The following NFIA variants were observed in gnomAD, a reference collection of about 807,000 sequenced individuals.
NFIA encodes the protein nuclear factor I A, also known as nuclear factor 1 A-type.
Under a neutral mutation model 62.8 loss-of-function variants are expected in NFIA, and 8 were observed. That is an observed-to-expected ratio of 0.13 (90% CI 0.07 to 0.23). The LOEUF (loss-of-function observed/expected upper bound fraction) is 0.23. NFIA is among the 10% of genes least tolerant of loss of function. NFIA has a pLI of 1.00. For missense variants in NFIA, 410 were observed against 642.1 expected, an observed-to-expected ratio of 0.64 and a Z score of 3.91; for synonymous variants, 235 against 238.1, an observed-to-expected ratio of 0.99 and a Z score of 0.12.
intron 2 of NFIA, among the ~76,000 whole-genome samples, chr1:61,095,624 C>T (rs1646398124): frequency 6.6e-6 from 1 of 152,132 alleles, no homozygotes; most frequent in Admixed American, 6.5e-5. Context: ...AGAATGAGGC[C>T]ACACTTGATA....
intron 2 of NFIA, among the ~76,000 whole-genome samples, chr1:61,225,055 A>G (rs2100622431): frequency 6.6e-6 from 1 of 152,252 alleles, no homozygotes; most frequent in East Asian, 1.9e-4. Flanking sequence ...CAGATTCATG[A>G]CATAGGAATC....
chr1:61,201,146 G>T (rs757223235), intron 2 of NFIA, among the ~76,000 whole-genome samples: 1 of 152,042 alleles, frequency 6.6e-6, no homozygotes, highest in Non-Finnish European at 1.5e-5. Context: ...CTTTTTTGTT[G>T]TTGTTACCTT....
chr1:61,191,118 T>TA (rs1460812263), intron 2 of NFIA, among the ~76,000 whole-genome samples: 1 of 152,108 alleles, frequency 6.6e-6, no homozygotes, highest in Admixed American at 6.5e-5. Context: ...AGCTCAATGT[T>TA]ACAATGCTTA....
chr1:61,406,542 T>TGGGGGGGGGGGGGC lies in NFIA; in HGVS notation c.1255-19_1255-18insGGGGGGGGGGGGCG. On this transcript the variant is annotated intron_variant, in intron 8 of 10. Transcript: ENST00000403491. Reference sequence around the variant, plus strand: ...TTCTTTTTCTTGTACGTGTGTTTTCTGCCCCCCCCCCCCCCACAGCCCAAT... The same window carrying TGGGGGGGGGGGGGC: ...TTCTTTTTCTTGTACGTGTGTTTTCTGGGGGGGGGGGGGCGCCCCCCCCCCCCCCACAGCCCAAT... 8.0e-7 allele frequency: 1 copy of TGGGGGGGGGGGGGC among 1,253,828 alleles called. No homozygotes were observed. The highest frequency in any genetic ancestry group is 3.1e-5 in the East Asian group (1 of 32,732). 77.7% of individuals were successfully genotyped at this position (1,253,828 alleles called of 1,614,324 possible).
intron 2 of NFIA, among the ~76,000 whole-genome samples, chr1:61,114,272 A>G (rs1233610305): frequency 2.8e-5 from 4 of 142,650 alleles, no homozygotes; most frequent in Admixed American, 2.7e-4. Flanking sequence ...ACCTATGTAG[A>G]AAAAAAATGA....
At chr1:61,256,628 A>G (rs1349029933) in intron 2 of NFIA, among the ~76,000 whole-genome samples, 2 of 152,122 alleles carry the variant, frequency 1.3e-5, no homozygotes, top group Non-Finnish European at 2.9e-5. Flanking sequence ...TTCTACCTTT[A>G]TACTGCTATT....
intron 9 of NFIA, among the ~76,000 whole-genome samples, chr1:61,412,238 G>A (rs1422340556): frequency 6.6e-6 from 1 of 152,200 alleles, no homozygotes; most frequent in Non-Finnish European, 1.5e-5. Context: ...CCCTGGTGGA[G>A]ATTACATTTT....
intron 2 of NFIA, among the ~76,000 whole-genome samples, chr1:61,108,228 T>G (rs1646637594): frequency 6.6e-6 from 1 of 151,732 alleles, no homozygotes; most frequent in South Asian, 2.1e-4. Flanking sequence ...TAAAGGAAAT[T>G]GACATCTTTT....
chr1:61,217,444 T>C (rs1440374809), intron 2 of NFIA, among the ~76,000 whole-genome samples: 1 of 152,196 alleles, frequency 6.6e-6, no homozygotes, highest in East Asian at 1.9e-4. Context: ...GAGAACTATA[T>C]GTCATTATTA....
intron 7 of NFIA, 79 bp from the exon 8 acceptor site, chr1:61,404,025 A>G (rs1665695432): frequency 6.7e-7 from 1 of 1,493,296 alleles, no homozygotes; most frequent in East Asian, 2.3e-5. Flanking sequence ...AAGAGAAATA[A>G]AGGAGGAAGT....
intron 7 of NFIA, among the ~76,000 whole-genome samples, chr1:61,403,228 A>G (rs1227235103): frequency 1.3e-5 from 2 of 152,148 alleles, no homozygotes; most frequent in Non-Finnish European, 2.9e-5. Context: ...AATATCTGCA[A>G]CCTTCCCATG....
At chr1:61,280,759 A>G (rs1033411661) in intron 3 of NFIA, among the ~76,000 whole-genome samples, 5 of 152,218 alleles carry the variant, frequency 3.3e-5, no homozygotes, top group African/African-American at 1.2e-4. Context: ...AGAGCATTAG[A>G]TGGGAATTTT....
chr1:61,177,659 G>A (rs1160981708), intron 2 of NFIA, among the ~76,000 whole-genome samples: 1 of 120,244 alleles, frequency 8.3e-6, no homozygotes, highest in Non-Finnish European at 1.7e-5. Flanking sequence ...TCTATTGTGT[G>A]TGTGTGTGTG....
intron 2 of NFIA, among the ~76,000 whole-genome samples, chr1:61,232,006 G>C (rs1024138176): frequency 6.6e-6 from 1 of 152,146 alleles, no homozygotes; most frequent in African/African-American, 2.4e-5. Flanking sequence ...GTTAGTGACG[G>C]GTTTGAGGCT....
At chr1:61,397,941 G>T (rs1053357689) in intron 7 of NFIA, among the ~76,000 whole-genome samples, 6 of 152,206 alleles carry the variant, frequency 3.9e-5, no homozygotes, top group Non-Finnish European at 8.8e-5. Context: ...GATATCAAAG[G>T]TGACCAGATT....
chr1:61,362,892 C>T (rs1348903542), intron 6 of NFIA, among the ~76,000 whole-genome samples: 1 of 152,174 alleles, frequency 6.6e-6, no homozygotes, highest in Non-Finnish European at 1.5e-5. Flanking sequence ...ATATCATCAA[C>T]TCTTGTTTAT....
At chr1:61,193,583 G>A (rs1249711768) in intron 2 of NFIA, among the ~76,000 whole-genome samples, 1 of 152,192 alleles carries the variant, frequency 6.6e-6, no homozygotes, top group Non-Finnish European at 1.5e-5. Flanking sequence ...GTGCCTTTCA[G>A]TGTAGTTCTG....
At chr1:61,204,741 A>G (rs1463570951) in intron 2 of NFIA, among the ~76,000 whole-genome samples, 1 of 152,200 alleles carries the variant, frequency 6.6e-6, no homozygotes, top group Non-Finnish European at 1.5e-5. Context: ...CCTTCACTAT[A>G]GAACAAACTC....
chr1:61,158,494 C>G (rs12021605), intron 2 of NFIA, among the ~76,000 whole-genome samples: 3,037 of 152,130 alleles, frequency 0.02, 62 homozygotes, highest in East Asian at 0.093. Flanking sequence ...ATTCAGATGC[C>G]TAGGATTAAT....
Sources: gnomAD v4.1 joint callset for allele counts (sites outside exome capture counted in the v4.1 genomes callset) on GRCh38, gnomAD v4.1.1 for gene constraint, MANE v1.5 for transcripts, NCBI Gene and HGNC (gene_info 2026-07-23, HGNC 2026-07-21) for gene names.